Variants in PAK2 observed in about 807,000 individuals in gnomAD.
The protein encoded by PAK2 is serine/threonine-protein kinase PAK 2.
In PAK2, 21 loss-of-function variants were observed where a neutral mutation model predicts 65.9. The ratio of observed to expected loss-of-function variants is 0.32; its 90% CI spans 0.23 to 0.46. The LOEUF (loss-of-function observed/expected upper bound fraction) is 0.46. Among genes scored for constraint, PAK2 ranks in the 20% least tolerant of loss-of-function variants. The probability of loss-of-function intolerance (pLI) is 1.00; values close to 1 mark genes in which losing one functional copy is unlikely to be tolerated. For synonymous variants in PAK2, 204 were observed against 219.7 expected (o/e 0.93, Z 0.63); for missense variants, 324 against 642.6 (o/e 0.50, Z 5.36).
intron 1 of PAK2, among the ~76,000 whole-genome samples, chr3:196,763,323 C>G (rs1169566302): frequency 6.6e-6 from 1 of 152,182 alleles, no homozygotes; most frequent in Non-Finnish European, 1.5e-5. Context: ...CCACCTTCCC[C>G]TATTGGAGTC....
chr3:196,751,674 C>CACATATATATATATATATATATATAT (rs1250574181), intron 1 of PAK2, among the ~76,000 whole-genome samples: 15 of 71,818 alleles, frequency 2.1e-4, no homozygotes, highest in African/African-American at 1.1e-3. Context: ...TATTTATATA[C>CACATATATATATATATATATATATAT]ATATATATAT....
At position 196,832,077 on chromosome 3, in the gene PAK2, A is replaced by G. The variant is rs377104878; in HGVS notation, c.*3672A>G. On this transcript the variant is annotated 3_prime_UTR_variant, in exon 15 of 15. Transcript: ENST00000327134. ...GGATGAGGTTGGAGTTCGAAAGAAG[A>G]AGCAAGCGCTGGCCTGGCCTTGAAA... 7.2e-5 allele frequency: 11 copies of G among 152,220 alleles called. No individual in the cohort carries two copies. In the East Asian group the frequency reaches 1.7e-3, roughly 24 times the overall value. 9.4% of individuals were successfully genotyped at this position (152,220 alleles called of 1,614,324 possible).
At chr3:196,768,488 T>TATG (rs766555826) in intron 1 of PAK2, among the ~76,000 whole-genome samples, 4,060 of 148,626 alleles carry the variant, frequency 0.027, 84 homozygotes, top group Middle Eastern at 0.069. Context: ...TTTATTTTAT[T>TATG]TATATATGTA....
intron 1 of PAK2, among the ~76,000 whole-genome samples, chr3:196,758,578 C>T (rs537188322): frequency 2.0e-4 from 30 of 152,336 alleles, no homozygotes; most frequent in African/African-American, 6.7e-4. Flanking sequence ...GATGCACGCA[C>T]TGTTGGGCTT....
chr3:196,748,909 A>G (rs930634330), intron 1 of PAK2, among the ~76,000 whole-genome samples: 1 of 152,224 alleles, frequency 6.6e-6, no homozygotes, highest in Non-Finnish European at 1.5e-5. Flanking sequence ...TCCATCCTGC[A>G]AAACTGAAAT....
At chr3:196,805,894 T>TTTTA (rs1251404004) in intron 5 of PAK2, among the ~76,000 whole-genome samples, 75 of 150,758 alleles carry the variant, frequency 5.0e-4, no homozygotes, top group Middle Eastern at 3.4e-3. Flanking sequence ...TTTTATTTTA[T>TTTTA]TTTATTTATT....
rs1337653283 is a variant in PAK2, at chr3:196,770,172, A to G, written c.-21-12454A>G. Among the ~76,000 whole-genome samples the G allele has an allele frequency of 2.0e-5, 3 of 151,930 alleles. 1 individual carries two copies. The highest frequency in any genetic ancestry group is 7.3e-5 in the African/African-American group (3 of 41,250). ...CTTAGGAGGCTGAGGTGGGAGGATCACTGGAGCCCAGGAGGTTTAGACCGC... is the reference window on the plus strand; with the variant it reads ...CTTAGGAGGCTGAGGTGGGAGGATCGCTGGAGCCCAGGAGGTTTAGACCGC... On this transcript the variant is annotated intron_variant, in intron 1 of 14. Coordinates refer to ENST00000327134, the MANE Select transcript of PAK2 (RefSeq NM_002577.4).
At chr3:196,776,662 A>G (rs1234463228) in intron 1 of PAK2, among the ~76,000 whole-genome samples, 1 of 152,218 alleles carries the variant, frequency 6.6e-6, no homozygotes, top group Non-Finnish European at 1.5e-5. Flanking sequence ...TTTACTGCAT[A>G]ACGAGATGTG....
chr3:196,760,646 G>A (rs1457038266), intron 1 of PAK2, among the ~76,000 whole-genome samples: 2 of 152,094 alleles, frequency 1.3e-5, no homozygotes, highest in African/African-American at 2.4e-5. Flanking sequence ...AACCATGACC[G>A]GTCTGTGAGT....
intron 1 of PAK2, among the ~76,000 whole-genome samples, chr3:196,778,836 T>G (rs1714618918): frequency 6.6e-6 from 1 of 152,204 alleles, no homozygotes; most frequent in Admixed American, 6.5e-5. Context: ...ATCCCTCAAC[T>G]GGGGTTTGTC....
In PAK2 at chr3:196,780,160, T is replaced by G. The variant is rs1399548696; in HGVS notation, c.-21-2466T>G. On this transcript the variant is annotated intron_variant, in intron 1 of 14. Coordinates refer to ENST00000327134, the MANE Select transcript of PAK2 (RefSeq NM_002577.4). ...TTTAGGGCATGTTGTCAGCACTGCC[T>G]TAGATCCTGCCCTCATTTCTTCCTT... is the stretch of plus-strand genomic sequence containing the variant. Among the ~76,000 whole-genome samples the G allele has an allele frequency of 2.0e-5, 3 of 152,356 alleles. No individual in the cohort carries two copies. In the East Asian group the frequency reaches 5.8e-4, roughly 29 times the overall value.
rs1176791062 is a variant in PAK2 at position 196,740,044 on chromosome 3, C to CCCGTT, written c.-133_-132insGTTCC. The CCCGTT allele has an allele frequency of 4.0e-5, 6 of 151,430 alleles. No homozygotes were observed. Among genetic ancestry groups the CCCGTT allele is most frequent in the African/African-American group, 2.4e-5 (1 of 41,302 alleles). The allele number at this position is 151,430 out of a possible 1,614,324, so 9.4% of individuals were successfully genotyped here. A position where few individuals can be genotyped will look rare whatever the true frequency, so the allele number is the denominator to read the frequency against. ...CGCGGCGTCTCTTCCCGCCCCGCTTCCCCTTCCCTCCCCTCCCCTCCCCGC... is the reference window on the plus strand; with the variant it reads ...CGCGGCGTCTCTTCCCGCCCCGCTTCCCGTTCCCTTCCCTCCCCTCCCCTCCCCGC... On this transcript the variant is annotated 5_prime_UTR_variant, in exon 1 of 15. Coordinates refer to ENST00000327134, the MANE Select transcript of PAK2 (RefSeq NM_002577.4).
At chr3:196,779,914 G>A (rs974341429) in intron 1 of PAK2, among the ~76,000 whole-genome samples, 13 of 152,118 alleles carry the variant, frequency 8.5e-5, no homozygotes, top group African/African-American at 1.7e-4. Flanking sequence ...CAAGCAATCC[G>A]CCCACCTTGG....
In PAK2 at chr3:196,782,683, G is replaced by A; in HGVS notation, c.37G>A (p.Ala13Thr). The A allele has an allele frequency of 6.2e-7, 1 of 1,609,862 alleles. No homozygotes were observed. Among genetic ancestry groups the A allele is most frequent in the South Asian group, 1.1e-5 (1 of 90,492 alleles). Residue 13 changes from alanine (A) to threonine (T), a missense_variant, in exon 2 of 15, where the codon GCA becomes ACA. Coordinates refer to ENST00000327134, the MANE Select transcript of PAK2 (RefSeq NM_002577.4). ...CGGAGAACTGGAAGATAAGCCTCCA[G>A]CACCTCCTGTGCGAATGAGCAGCAC... ...DNGELEDKPP[A>T]PPVRMSSTIF...
intron 1 of PAK2, among the ~76,000 whole-genome samples, chr3:196,777,704 C>T (rs1176878165): frequency 6.6e-6 from 1 of 152,112 alleles, no homozygotes; most frequent in Non-Finnish European, 1.5e-5. Context: ...GAATGCCTGA[C>T]CTAACTTAAA....
At chr3:196,771,788 C>A (rs928482231) in intron 1 of PAK2, among the ~76,000 whole-genome samples, 5 of 152,036 alleles carry the variant, frequency 3.3e-5, no homozygotes, top group African/African-American at 4.8e-5. Context: ...GAACTCCCGA[C>A]CTCAGATGAT....
intron 2 of PAK2, among the ~76,000 whole-genome samples, chr3:196,783,553 GC>G (rs1714780715): frequency 1.4e-5 from 2 of 146,628 alleles, no homozygotes; most frequent in Admixed American, 7.0e-5. Flanking sequence ...CCGCACTCCA[GC>G]CTGGGGAACA....
chr3:196,761,085 G>T (rs546573014), intron 1 of PAK2, among the ~76,000 whole-genome samples: 1 of 151,480 alleles, frequency 6.6e-6, no homozygotes, highest in African/African-American at 2.4e-5. Flanking sequence ...AAAATTAGCC[G>T]GGTGTGGTTG....
At chr3:196,811,475 G>A (rs371075390) in intron 8 of PAK2, among the ~76,000 whole-genome samples, 91 of 129,638 alleles carry the variant, frequency 7.0e-4, no homozygotes, top group East Asian at 5.2e-3. Context: ...TCTGCCTCCC[G>A]GGTTCAAACG....
Sources: gnomAD v4.1 joint callset for allele counts (sites outside exome capture counted in the v4.1 genomes callset) on GRCh38, gnomAD v4.1.1 for gene constraint, MANE v1.5 for transcripts, NCBI Gene and HGNC (gene_info 2026-07-23, HGNC 2026-07-21) for gene names.